Variants in COP1 observed in about 807,000 individuals in gnomAD.
COP1 encodes the protein COP1 E3 ubiquitin ligase, also known as E3 ubiquitin-protein ligase COP1.
A neutral mutation model predicts 101.3 loss-of-function variants in COP1; 24 were observed. That is an observed-to-expected ratio of 0.24 (90% CI 0.17 to 0.33). The LOEUF is 0.33. Among genes scored for constraint, COP1 ranks in the 10% least tolerant of loss-of-function variants. The pLI, the probability that COP1 is intolerant of heterozygous loss-of-function variation, is 1.00. For missense variants in COP1, 663 were observed against 906.2 expected, an observed-to-expected ratio of 0.73 and a Z score of 3.45; for synonymous variants, 347 against 341.9, an observed-to-expected ratio of 1.01 and a Z score of -0.17.
At chr1:176,189,536 A>G (rs1698870882) in intron 1 of COP1, among the ~76,000 whole-genome samples, 1 of 152,022 alleles carries the variant, frequency 6.6e-6, no homozygotes. Flanking sequence ...TTTCAAACAA[A>G]CACAAATTTA....
intron 8 of COP1, among the ~76,000 whole-genome samples, chr1:176,122,540 A>G (rs1687310162): frequency 6.6e-6 from 1 of 152,204 alleles, no homozygotes; most frequent in Non-Finnish European, 1.5e-5. Context: ...TATGATTTCT[A>G]CAGGAAAGAC....
intron 11 of COP1, among the ~76,000 whole-genome samples, chr1:176,056,916 T>C (rs1673603368): frequency 6.6e-6 from 1 of 152,238 alleles, no homozygotes; most frequent in South Asian, 2.1e-4. Flanking sequence ...ACTAAGTTTC[T>C]ACTCTGAGCA....
intron 15 of COP1, 35 bp downstream of exon 15, chr1:176,027,537 C>T: frequency 8.3e-7 from 1 of 1,206,862 alleles, no homozygotes; most frequent in Non-Finnish European, 1.2e-6. Context: ...ATTTAACCAA[C>T]ATCAAAGGAA....
chr1:176,180,468 G>A (rs1194234341), intron 2 of COP1, among the ~76,000 whole-genome samples: 1 of 152,116 alleles, frequency 6.6e-6, no homozygotes, highest in East Asian at 1.9e-4. Flanking sequence ...GCATAACAAA[G>A]AGGTAAAAGG....
intron 18 of COP1, chr1:175,968,680 A>G: frequency 2.9e-6 from 1 of 347,808 alleles, no homozygotes; most frequent in Non-Finnish European, 5.8e-6. Flanking sequence ...CACACTTAGC[A>G]TACAAAGTCA....
intron 9 of COP1, among the ~76,000 whole-genome samples, chr1:176,087,065 G>A (rs1288722904): frequency 3.3e-5 from 5 of 152,176 alleles, no homozygotes; most frequent in Admixed American, 1.3e-4. Flanking sequence ...TATGTAGAAA[G>A]CTGAAACTGG....
chr1:175,949,379 G>A (rs1641196815), intron 18 of COP1, among the ~76,000 whole-genome samples: 1 of 152,012 alleles, frequency 6.6e-6, no homozygotes, highest in South Asian at 2.1e-4. Flanking sequence ...AGTGGTTGGA[G>A]TAGGTTCTGG....
intron 11 of COP1, among the ~76,000 whole-genome samples, chr1:176,063,894 C>G (rs970438231): frequency 6.6e-6 from 1 of 152,096 alleles, no homozygotes; most frequent in African/African-American, 2.4e-5. Context: ...CAGGTTATTA[C>G]TGTTAAGTAA....
At chr1:176,051,337 G>A (rs549865499) in intron 11 of COP1, among the ~76,000 whole-genome samples, 14 of 152,292 alleles carry the variant, frequency 9.2e-5, no homozygotes, top group African/African-American at 3.4e-4. Flanking sequence ...GACATCTTAT[G>A]TTCCCACAAA....
chr1:175,950,251 G>A (rs1003141708), intron 18 of COP1, among the ~76,000 whole-genome samples: 1 of 151,384 alleles, frequency 6.6e-6, no homozygotes, highest in African/African-American at 2.4e-5. Context: ...TTGAATGCCA[G>A]TTTGAATGGT....
intron 1 of COP1, among the ~76,000 whole-genome samples, chr1:176,197,070 T>C (rs1424374333): frequency 1.3e-5 from 2 of 152,196 alleles, no homozygotes; most frequent in Admixed American, 1.3e-4. Flanking sequence ...GAATTTGCAT[T>C]TGAAAATAAA....
chr1:176,190,022 G>GA (rs377745220), intron 1 of COP1, among the ~76,000 whole-genome samples: 2 of 150,096 alleles, frequency 1.3e-5, no homozygotes, highest in African/African-American at 4.9e-5. Context: ...ATTTCAGATG[G>GA]AAAAAAAAAG....
At chr1:176,187,000 A>G (rs1455134436) in intron 1 of COP1, among the ~76,000 whole-genome samples, 2 of 152,208 alleles carry the variant, frequency 1.3e-5, no homozygotes, top group East Asian at 1.9e-4. Context: ...GGGGTACAGT[A>G]CGTGTCATGT....
chr1:176,026,447 T>C (rs1175543094), intron 15 of COP1, among the ~76,000 whole-genome samples: 1 of 152,038 alleles, frequency 6.6e-6, no homozygotes, highest in Non-Finnish European at 1.5e-5. Flanking sequence ...GATAAAAAAC[T>C]TGGGAGAAAG....
chr1:175,988,181 G>A, intron 17 of COP1, 107 bp downstream of exon 17: 1 of 1,044,002 alleles, frequency 9.6e-7, no homozygotes, highest in Non-Finnish European at 1.4e-6. Context: ...ACTATCTTCT[G>A]AGTGCACAGA....
chr1:176,051,761 G>A (rs1672602300), intron 11 of COP1, among the ~76,000 whole-genome samples: 1 of 151,942 alleles, frequency 6.6e-6, no homozygotes, highest in Non-Finnish European at 1.5e-5. Context: ...TGTAGGCCTA[G>A]GCTAATACAT....
chr1:176,127,311 CTAACTA>C lies in COP1; in HGVS notation c.968+7693_968+7698del, dbSNP rs909930906. 2.9e-4 allele frequency among the ~76,000 whole-genome samples: 44 copies of C among 152,112 alleles called. 1 individual carries two copies. The highest frequency in any genetic ancestry group is 1.0e-3 in the African/African-American group (43 of 41,422). On this transcript the variant is annotated intron_variant, in intron 8 of 19. Transcript: ENST00000367669. ...GAACACCAGAATTGATTCTTCCTGT[CTAACTA>C]TAACTTTGTACTCACTGACCAACTT...
At chr1:176,079,639 A>T (rs1678735140) in intron 11 of COP1, among the ~76,000 whole-genome samples, 1 of 150,480 alleles carries the variant, frequency 6.6e-6, no homozygotes, top group South Asian at 2.1e-4. Context: ...TCTATAATTA[A>T]AAAAAAAAGG....
At chr1:176,045,824 G>A (rs7532122) in intron 12 of COP1, among the ~76,000 whole-genome samples, 139,901 of 151,996 alleles carry the variant, frequency 0.92, 65,218 homozygotes, top group East Asian at 1. Context: ...GATATGTGCA[G>A]GCTAGGGGAA....
Sources: allele counts gnomAD v4.1 joint callset (sites outside exome capture counted in the v4.1 genomes callset), GRCh38; gene constraint gnomAD v4.1.1; transcripts MANE v1.5; gene names NCBI Gene and HGNC (gene_info 2026-07-23, HGNC 2026-07-21).